The following PIP4K2A variants were observed in gnomAD, a reference collection of about 807,000 sequenced individuals.
PIP4K2A encodes phosphatidylinositol-5-phosphate 4-kinase type 2 alpha.
In PIP4K2A, 14 loss-of-function variants were observed where a neutral mutation model predicts 42.9. That is an observed-to-expected ratio of 0.33 (90% CI 0.22 to 0.51). The LOEUF (loss-of-function observed/expected upper bound fraction) is 0.51, where lower values mean the gene tolerates loss of function less well. PIP4K2A is among the 20% of genes least tolerant of loss of function. PIP4K2A has a pLI of 0.97. For missense variants in PIP4K2A, 434 were observed against 519.8 expected, an observed-to-expected ratio of 0.83 and a Z score of 1.61; for synonymous variants, 192 against 192.2, an observed-to-expected ratio of 1.00 and a Z score of 0.01.
At chr10:22,666,955 G>C (rs1161464388) in intron 1 of PIP4K2A, among the ~76,000 whole-genome samples, 2 of 152,174 alleles carry the variant, frequency 1.3e-5, no homozygotes, top group Non-Finnish European at 2.9e-5. Flanking sequence ...AAGGGCAGGT[G>C]AATCTATTCA....
At chr10:22,675,237 C>A (rs1250969078) in intron 1 of PIP4K2A, among the ~76,000 whole-genome samples, 1 of 152,240 alleles carries the variant, frequency 6.6e-6, no homozygotes, top group South Asian at 2.1e-4. Context: ...ATTCTTCTAT[C>A]CCAGGTACCA....
At chr10:22,607,576 C>T (rs1334512914) in intron 3 of PIP4K2A, among the ~76,000 whole-genome samples, 2 of 152,170 alleles carry the variant, frequency 1.3e-5, no homozygotes, top group Admixed American at 6.5e-5. Flanking sequence ...AACATGCACA[C>T]TCACACAGGC....
chr10:22,592,489 G>T (rs574096292), intron 3 of PIP4K2A, among the ~76,000 whole-genome samples: 2 of 152,188 alleles, frequency 1.3e-5, no homozygotes, highest in Non-Finnish European at 2.9e-5. Context: ...CTCCTTAGGC[G>T]ATTTGAATTT....
intron 3 of PIP4K2A, among the ~76,000 whole-genome samples, chr10:22,596,069 G>C (rs1286275801): frequency 6.6e-6 from 1 of 151,936 alleles, no homozygotes; most frequent in East Asian, 1.9e-4. Context: ...TGCAGGCGTG[G>C]TGGGGCATGC....
intron 1 of PIP4K2A, among the ~76,000 whole-genome samples, chr10:22,667,613 T>C (rs983578914): frequency 1.3e-5 from 2 of 152,212 alleles, no homozygotes; most frequent in Non-Finnish European, 2.9e-5. Context: ...TACACATTTA[T>C]ACACCAAGAC....
intron 1 of PIP4K2A, among the ~76,000 whole-genome samples, chr10:22,707,388 G>C (rs1386339066): frequency 1.3e-5 from 2 of 152,148 alleles, no homozygotes; most frequent in South Asian, 4.1e-4. Flanking sequence ...GTGAGGCTTA[G>C]CTTTAGGTAA....
intron 3 of PIP4K2A, among the ~76,000 whole-genome samples, chr10:22,600,759 C>G (rs931861603): frequency 6.6e-6 from 1 of 152,006 alleles, no homozygotes; most frequent in African/African-American, 2.4e-5. Context: ...GTCCTCTGAC[C>G]CCGCCAGAGA....
intron 1 of PIP4K2A, among the ~76,000 whole-genome samples, chr10:22,619,439 CTTTTTTT>C (rs746519034): frequency 7.3e-6 from 1 of 137,508 alleles, no homozygotes; most frequent in Non-Finnish European, 1.6e-5. Flanking sequence ...TTTCTTTTTT[CTTTTTTT>C]TTTTTTTTGA....
intron 1 of PIP4K2A, among the ~76,000 whole-genome samples, chr10:22,703,860 G>T (rs1833760949): frequency 6.6e-6 from 1 of 152,060 alleles, no homozygotes; most frequent in African/African-American, 2.4e-5. Context: ...GAGAAGGAGT[G>T]GGGAGAAAAA....
At chr10:22,623,561 T>C (rs775138620) in intron 1 of PIP4K2A, among the ~76,000 whole-genome samples, 1 of 147,840 alleles carries the variant, frequency 6.8e-6, no homozygotes, top group Non-Finnish European at 1.5e-5. Context: ...GAGCTGTATA[T>C]TGGAAGGGAG....
In PIP4K2A at chr10:22,664,048, C is replaced by CGTATATATATATATACGT. The variant is rs1321083819; in HGVS notation, c.144+50134_144+50135insACGTATATATATATATAC. On this transcript the variant is annotated intron_variant, in intron 1 of 9. Coordinates refer to ENST00000376573, the MANE Select transcript of PIP4K2A (RefSeq NM_005028.5). ...ATATATATACATATATATATATATACATATGTATATATACATATATATATA... is the reference window on the plus strand; with the variant it reads ...ATATATATACATATATATATATATACGTATATATATATATACGTATATGTATATATACATATATATATA... Among the ~76,000 whole-genome samples, 12 of 76,832 alleles carry CGTATATATATATATACGT rather than the reference C, an allele frequency of 1.6e-4. 1 individual carries two copies. The highest frequency in any genetic ancestry group is 1.2e-3 in the African/African-American group (11 of 9,430). 50.4% of individuals were successfully genotyped at this position (76,832 alleles called of 152,430 possible).
At chr10:22,588,280 C>T (rs746170940) in intron 4 of PIP4K2A, among the ~76,000 whole-genome samples, 3 of 152,084 alleles carry the variant, frequency 2.0e-5, no homozygotes, top group Admixed American at 6.5e-5. Flanking sequence ...GCAGCCTATA[C>T]GGACAATTTT....
intron 1 of PIP4K2A, among the ~76,000 whole-genome samples, chr10:22,631,836 A>G (rs529967285): frequency 1.1e-3 from 161 of 152,350 alleles, no homozygotes; most frequent in African/African-American, 3.8e-3. Flanking sequence ...AGTATCTCCC[A>G]CAACATACTT....
At chr10:22,636,133 AG>A in intron 1 of PIP4K2A, among the ~76,000 whole-genome samples, 1 of 152,348 alleles carries the variant, frequency 6.6e-6, no homozygotes, top group South Asian at 2.1e-4. Context: ...TCCACAATGG[AG>A]TCTTGAAAAG....
At chr10:22,667,520 A>T (rs1839371801) in intron 1 of PIP4K2A, among the ~76,000 whole-genome samples, 1 of 152,216 alleles carries the variant, frequency 6.6e-6, no homozygotes, top group Non-Finnish European at 1.5e-5. Context: ...CAACAAACTG[A>T]AGATCACTTA....
At chr10:22,556,475 G>C (rs897763356) in intron 6 of PIP4K2A, among the ~76,000 whole-genome samples, 7 of 152,076 alleles carry the variant, frequency 4.6e-5, no homozygotes, top group Non-Finnish European at 8.8e-5. Flanking sequence ...AAGTAATAAA[G>C]AATTTGAAAT....
intron 9 of PIP4K2A, chr10:22,539,583 T>C (rs1836038011): frequency 5.6e-6 from 1 of 178,830 alleles, no homozygotes; most frequent in African/African-American, 2.4e-5. Context: ...CACTTTTATC[T>C]CTGGAACATT....
chr10:22,582,799 T>C (rs555809517), intron 4 of PIP4K2A, among the ~76,000 whole-genome samples: 19 of 150,894 alleles, frequency 1.3e-4, no homozygotes, highest in Admixed American at 6.6e-4. Flanking sequence ...AAATAAATGA[T>C]ACAACTTCCT....
chr10:22,664,540 T>C (rs1390953365), intron 1 of PIP4K2A, among the ~76,000 whole-genome samples: 1 of 151,888 alleles, frequency 6.6e-6, no homozygotes, highest in East Asian at 1.9e-4. Flanking sequence ...ATCTTACTTA[T>C]GATAAGCATT....
Sources: allele counts gnomAD v4.1 joint callset (sites outside exome capture counted in the v4.1 genomes callset), GRCh38; gene constraint gnomAD v4.1.1; transcripts MANE v1.5; gene names NCBI Gene and HGNC (gene_info 2026-07-23, HGNC 2026-07-21).